Variants in SLC24A3 observed in about 807,000 individuals in gnomAD.
SLC24A3 encodes solute carrier family 24 member 3.
In SLC24A3, 28 loss-of-function variants were observed where a neutral mutation model predicts 75.8. The ratio of observed to expected loss-of-function variants is 0.37; its 90% CI spans 0.27 to 0.51. SLC24A3 has a LOEUF of 0.51. Among genes scored for constraint, SLC24A3 ranks in the 20% least tolerant of loss-of-function variants. SLC24A3 has a pLI of 0.94. For missense variants in SLC24A3, 663 were observed against 847.8 expected (o/e 0.78, Z 2.71); for synonymous variants, 372 against 334.1 (o/e 1.11, Z -1.24).
intron 6 of SLC24A3, among the ~76,000 whole-genome samples, chr20:19,624,966 A>G (rs2031850480): frequency 6.6e-6 from 1 of 152,196 alleles, no homozygotes; most frequent in East Asian, 1.9e-4. Flanking sequence ...AATGGTTCTT[A>G]TGATCTGGGC....
At chr20:19,606,509 A>G (rs2031599490) in intron 6 of SLC24A3, among the ~76,000 whole-genome samples, 1 of 152,246 alleles carries the variant, frequency 6.6e-6, no homozygotes, top group East Asian at 1.9e-4. Flanking sequence ...AAAACCTCTC[A>G]CTAAATTTGA....
chr20:19,557,009 C>T (rs746310100), intron 3 of SLC24A3, among the ~76,000 whole-genome samples: 4 of 152,188 alleles, frequency 2.6e-5, no homozygotes, highest in Non-Finnish European at 5.9e-5. Flanking sequence ...GCCCAAGGTT[C>T]TCTGGGCTTG....
chr20:19,466,003 C>T (rs1415473387), intron 2 of SLC24A3, among the ~76,000 whole-genome samples: 1 of 152,114 alleles, frequency 6.6e-6, no homozygotes, highest in Admixed American at 6.5e-5. Flanking sequence ...CCTTGTCTCC[C>T]CAGCTGTCTT....
intron 2 of SLC24A3, among the ~76,000 whole-genome samples, chr20:19,432,515 T>C (rs1204132076): frequency 6.6e-6 from 1 of 152,116 alleles, no homozygotes; most frequent in Non-Finnish European, 1.5e-5. Context: ...AATTCCAAGC[T>C]GACGTCTACC....
At chr20:19,381,755 C>T (rs1219881336) in intron 2 of SLC24A3, among the ~76,000 whole-genome samples, 2 of 152,142 alleles carry the variant, frequency 1.3e-5, no homozygotes, top group African/African-American at 4.8e-5. Context: ...TATTTATGTA[C>T]TAGGTGAAGG....
intron 1 of SLC24A3, among the ~76,000 whole-genome samples, chr20:19,256,818 T>C (rs1223590360): frequency 6.6e-6 from 1 of 151,878 alleles, no homozygotes; most frequent in Non-Finnish European, 1.5e-5. Flanking sequence ...AGCTATGTAT[T>C]GATAAAGCTG....
At chr20:19,624,306 T>C (rs952981255) in intron 6 of SLC24A3, among the ~76,000 whole-genome samples, 1 of 152,196 alleles carries the variant, frequency 6.6e-6, no homozygotes, top group Non-Finnish European at 1.5e-5. Flanking sequence ...CCCAGCATTC[T>C]AGAACTCAGG....
At chr20:19,236,849 G>A (rs1186931117) in intron 1 of SLC24A3, among the ~76,000 whole-genome samples, 1 of 152,180 alleles carries the variant, frequency 6.6e-6, no homozygotes, top group Non-Finnish European at 1.5e-5. Context: ...AACCCACAGA[G>A]AGAGAGGGAT....
intron 13 of SLC24A3, chr20:19,693,809 G>T (rs571751689): frequency 3.8e-4 from 62 of 164,714 alleles, no homozygotes; most frequent in African/African-American, 1.4e-3. Context: ...AAGAGAGTAC[G>T]TGGAAACACG....
chr20:19,625,870 A>G (rs2031859466), intron 6 of SLC24A3, among the ~76,000 whole-genome samples: 2 of 152,140 alleles, frequency 1.3e-5, no homozygotes, highest in South Asian at 4.1e-4. Flanking sequence ...TCCCATCAAG[A>G]GTGTTAATGC....
chr20:19,545,744 CCAGAGGAGT>C lies in SLC24A3; in HGVS notation c.348+30183_348+30191del, dbSNP rs577838012. Reference sequence around the variant, plus strand: ...TGGAGGCATGTACCTTTTCAGGTTCCCAGAGGAGTCAAAGAACAGTGTAAGTTTTGTTTT... The same window carrying C: ...TGGAGGCATGTACCTTTTCAGGTTCCCAAAGAACAGTGTAAGTTTTGTTTT... On this transcript the variant is annotated intron_variant, in intron 3 of 16. Transcript: ENST00000328041. Among the ~76,000 whole-genome samples the C allele has an allele frequency of 5.3e-5, 8 of 152,216 alleles. No individual in the cohort carries two copies. In the South Asian group the frequency reaches 1.7e-3, roughly 32 times the overall value.
chr20:19,313,346 T>C (rs1984507082), intron 2 of SLC24A3, among the ~76,000 whole-genome samples: 1 of 152,192 alleles, frequency 6.6e-6, no homozygotes, highest in Admixed American at 6.5e-5. Flanking sequence ...CTCTTGTTTT[T>C]TTATGACCTC....
At chr20:19,415,479 C>T (rs1986811124) in intron 2 of SLC24A3, among the ~76,000 whole-genome samples, 1 of 152,176 alleles carries the variant, frequency 6.6e-6, no homozygotes, top group Non-Finnish European at 1.5e-5. Context: ...CTGCTTCCAG[C>T]CATACCATTC....
intron 2 of SLC24A3, among the ~76,000 whole-genome samples, chr20:19,451,817 G>T (rs909824246): frequency 6.6e-6 from 1 of 152,126 alleles, no homozygotes; most frequent in Non-Finnish European, 1.5e-5. Context: ...CATGTCATGC[G>T]CTGGCACCTC....
chr20:19,515,978 T>C (rs1418856481), intron 3 of SLC24A3, among the ~76,000 whole-genome samples: 1 of 152,196 alleles, frequency 6.6e-6, no homozygotes, highest in Non-Finnish European at 1.5e-5. Context: ...CTTTTCAACT[T>C]TTCACCCTCA....
intron 2 of SLC24A3, among the ~76,000 whole-genome samples, chr20:19,347,816 A>G (rs986332159): frequency 4.6e-5 from 7 of 152,196 alleles, no homozygotes; most frequent in African/African-American, 1.7e-4. Flanking sequence ...AAGTACTGGG[A>G]CTTCAAATTA....
At chr20:19,364,195 G>A (rs1351131100) in intron 2 of SLC24A3, among the ~76,000 whole-genome samples, 1 of 152,114 alleles carries the variant, frequency 6.6e-6, no homozygotes, top group African/African-American at 2.4e-5. Flanking sequence ...ATCACCAACC[G>A]TGTGGGTCTC....
chr20:19,626,198 G>A (rs1372845897), intron 6 of SLC24A3, among the ~76,000 whole-genome samples: 2 of 152,146 alleles, frequency 1.3e-5, no homozygotes, highest in African/African-American at 4.8e-5. Flanking sequence ...AAGCTCTATA[G>A]TAAGACTTGA....
At chr20:19,684,733 C>G (rs2032654142) in intron 11 of SLC24A3, among the ~76,000 whole-genome samples, 1 of 152,134 alleles carries the variant, frequency 6.6e-6, no homozygotes, top group Non-Finnish European at 1.5e-5. Flanking sequence ...TGGAATATAG[C>G]CTTATTGATA....
Sources: gnomAD v4.1 joint callset for allele counts (sites outside exome capture counted in the v4.1 genomes callset) on GRCh38, gnomAD v4.1.1 for gene constraint, MANE v1.5 for transcripts, NCBI Gene and HGNC (gene_info 2026-07-23, HGNC 2026-07-21) for gene names.